Variants in SRSF11 observed in about 807,000 individuals in gnomAD.
SRSF11 encodes the protein serine/arginine-rich splicing factor 11.
Under a neutral mutation model 56.0 loss-of-function variants are expected in SRSF11, and 9 were observed. The ratio of observed to expected loss-of-function variants is 0.16; its 90% CI spans 0.10 to 0.28. The LOEUF (loss-of-function observed/expected upper bound fraction) is 0.28, where lower values mean the gene tolerates loss of function less well. SRSF11 is among the 10% of genes least tolerant of loss of function. The pLI is 1.00. For missense variants in SRSF11, 421 were observed against 600.7 expected (o/e 0.70, Z 3.13); for synonymous variants, 222 against 215.3 (o/e 1.03, Z -0.27).
rs1358929372 is a variant in SRSF11, at chr1:70,252,764, T to C, written c.*1959T>C. On this transcript the variant is annotated 3_prime_UTR_variant, in exon 12 of 12. Coordinates refer to ENST00000370949, the MANE Select transcript of SRSF11 (RefSeq NM_001350605.2). ...AATTTCACATATGGTAAACCTAATA[T>C]TCACAGTGTGTTCCCTCACTTGTAA... 1 of 152,210 alleles carries C rather than the reference T, an allele frequency of 6.6e-6. No individual in the cohort carries two copies. 9.4% of individuals were successfully genotyped at this position (152,210 alleles called of 1,614,324 possible).
At chr1:70,230,536 C>A (rs1672647992) in intron 2 of SRSF11, 1 of 1,252,876 alleles carries the variant, frequency 8.0e-7, no homozygotes, top group African/African-American at 1.6e-5. Context: ...CTTTTTCTTT[C>A]ATTTCTACAC....
At chr1:70,221,892 T>A in intron 1 of SRSF11, 53 bp downstream of exon 1, 1 of 1,604,158 alleles carries the variant, frequency 6.2e-7, no homozygotes, top group South Asian at 1.1e-5. Flanking sequence ...AGCCTGGGCC[T>A]AACACACACA....
At position 70,215,133 on chromosome 1, in the gene SRSF11, A is replaced by G. The variant is rs269281; in HGVS notation, c.-25-6479A>G. Among the ~76,000 whole-genome samples, 1,215 of 152,142 alleles carry G rather than the reference A, an allele frequency of 8.0e-3. 13 individuals carry two copies. The highest frequency in any genetic ancestry group is 0.028 in the African/African-American group (1,144 of 41,494). On this transcript the variant is annotated intron_variant, in intron 1 of 12. Transcript: ENST00000370950. The stretch of plus-strand genomic sequence containing the variant: ...CGCTAGTCTTGAACTCCTGGCGTGA[A>G]GTGATCCACTCACCTTGGCCTCCCA...
chr1:70,237,632 A>G (rs1571836510), intron 6 of SRSF11, 80 bp downstream of exon 6: 2 of 1,565,018 alleles, frequency 1.3e-6, no homozygotes, highest in Non-Finnish European at 1.7e-6. Flanking sequence ...GTGTTGAGTG[A>G]CACCCTAGTC....
chr1:70,251,059 A>G lies in SRSF11; in HGVS notation c.*254A>G, dbSNP rs536139755. On this transcript the variant is annotated 3_prime_UTR_variant, in exon 12 of 12. Coordinates refer to ENST00000370949, the MANE Select transcript of SRSF11 (RefSeq NM_001350605.2). ...AGTTTTACTATTCTGGTGCTGCTTC[A>G]TAACAAAAATGAAAAGCTGCATGCA... 1.5e-4 allele frequency: 59 copies of G among 396,002 alleles called. No homozygotes were observed. The highest frequency in any genetic ancestry group is 1.1e-3 in the African/African-American group (56 of 50,210). The allele number at this position is 396,002 out of a possible 1,614,324, so 24.5% of individuals were successfully genotyped here.
Position 70,250,987 on chromosome 1 carries a change from G to A in SRSF11, c.*182G>A, listed in dbSNP as rs2101046523. 5 of 559,416 alleles carry A rather than the reference G, an allele frequency of 8.9e-6. No individual in the cohort carries two copies. The highest frequency in any genetic ancestry group is 2.7e-5 in the South Asian group (1 of 37,236). The allele number at this position is 559,416 out of a possible 1,614,324, so 34.7% of individuals were successfully genotyped here. ...TCAAAAAGCTTTTAGAAAATGGTAC[G>A]AGGTAACCAATTCTTGTCATGGTGA... is the stretch of plus-strand genomic sequence containing the variant. On this transcript the variant is annotated 3_prime_UTR_variant, in exon 12 of 12. Coordinates refer to ENST00000370949, the MANE Select transcript of SRSF11 (RefSeq NM_001350605.2).
rs867019225 is a variant in SRSF11, at chr1:70,243,373, A to C, written c.801-1311A>C. On this transcript the variant is annotated intron_variant, in intron 7 of 11. Coordinates refer to ENST00000370949, the MANE Select transcript of SRSF11 (RefSeq NM_001350605.2). ...AAAAAAAAAAAAAAAAAAAAAAAAAACACAGTGTGTAGGTGGAACCATGCC... is the reference window on the plus strand; with the variant it reads ...AAAAAAAAAAAAAAAAAAAAAAAAACCACAGTGTGTAGGTGGAACCATGCC... 9.2e-5 allele frequency among the ~76,000 whole-genome samples: 10 copies of C among 109,230 alleles called. No individual in the cohort carries two copies. The East Asian group carries it at 9.3e-4, about 10-fold the overall frequency. The allele number at this position is 109,230 out of a possible 152,430, so 71.7% of individuals were successfully genotyped here.
At chr1:70,222,937 G>T (rs1670981801) in intron 1 of SRSF11, 1 of 152,116 alleles carries the variant, frequency 6.6e-6, no homozygotes, top group Admixed American at 6.5e-5. Context: ...TTTCAAATTG[G>T]TATGTTTCTA....
At chr1:70,224,253 CTA>C (rs1475971504) in intron 1 of SRSF11, among the ~76,000 whole-genome samples, 4 of 152,120 alleles carry the variant, frequency 2.6e-5, no homozygotes, top group African/African-American at 9.7e-5. Flanking sequence ...TGAGGGAAAA[CTA>C]TATGATTTCC....
chr1:70,220,103 G>A (rs1670384710), upstream of SRSF11, among the ~76,000 whole-genome samples: 1 of 152,228 alleles, frequency 6.6e-6, no homozygotes, highest in Non-Finnish European at 1.5e-5. Flanking sequence ...GACAGACATT[G>A]TGCCAGGTTC....
At chr1:70,222,490 G>T (rs573652283) in intron 1 of SRSF11, among the ~76,000 whole-genome samples, 43 of 152,288 alleles carry the variant, frequency 2.8e-4, no homozygotes, top group African/African-American at 1.0e-3. Flanking sequence ...GTTGAAATTT[G>T]AATTAGAGTG....
chr1:70,231,122 T>A (rs747208034), intron 2 of SRSF11: 145 of 1,289,622 alleles, frequency 1.1e-4, no homozygotes, highest in Non-Finnish European at 1.3e-4. Context: ...GCCTGAACTA[T>A]ATACCAGGCC....
chr1:70,249,342 G>A (rs1165051681), intron 9 of SRSF11: 5 of 152,200 alleles, frequency 3.3e-5, no homozygotes, highest in Non-Finnish European at 5.9e-5. Flanking sequence ...AACTTCTTCA[G>A]TAATAGTTTA....
chr1:70,229,728 A>G, intron 2 of SRSF11: 1 of 984,654 alleles, frequency 1.0e-6, no homozygotes. Context: ...TTTACACCAT[A>G]CCTTGTAAAA....
At chr1:70,213,036 G>C (rs1669706452) in intron 1 of SRSF11, among the ~76,000 whole-genome samples, 2 of 152,116 alleles carry the variant, frequency 1.3e-5, no homozygotes, top group Admixed American at 1.3e-4. Flanking sequence ...CTGGGTGACA[G>C]AACAAGACCC....
intron 2 of SRSF11, chr1:70,230,356 C>G (rs1672609290): frequency 9.4e-7 from 1 of 1,068,164 alleles, no homozygotes. Flanking sequence ...AGCTATTACA[C>G]TTCGGTGTTA....
At chr1:70,239,336 C>A in intron 6 of SRSF11, 103 bp from the exon 7 acceptor site, 1 of 738,730 alleles carries the variant, frequency 1.4e-6, no homozygotes, top group South Asian at 1.9e-5. Context: ...AAGTGTTGCT[C>A]CCACTTCAGC....
intron 1 of SRSF11, among the ~76,000 whole-genome samples, chr1:70,209,986 T>C (rs1452074529): frequency 2.6e-5 from 4 of 152,008 alleles, no homozygotes. Context: ...ATTTGTATTA[T>C]GTTGTTACTG....
upstream of SRSF11, among the ~76,000 whole-genome samples, chr1:70,216,549 A>G (rs1001067448): frequency 2.0e-5 from 3 of 151,560 alleles, no homozygotes; most frequent in African/African-American, 7.3e-5. Flanking sequence ...CCTCCACTTC[A>G]GCCTCCCAAG....
Sources: allele counts gnomAD v4.1 joint callset (sites outside exome capture counted in the v4.1 genomes callset), GRCh38; gene constraint gnomAD v4.1.1; transcripts MANE v1.5; gene names NCBI Gene and HGNC (gene_info 2026-07-23, HGNC 2026-07-21).